MCF2: variants seen among roughly 807,000 people sequenced by gnomAD.
The protein encoded by MCF2 is proto-oncogene DBL.
In MCF2, 44 loss-of-function variants were observed where a neutral mutation model predicts 82.5. The ratio of observed to expected loss-of-function variants is 0.53; its 90% CI spans 0.42 to 0.69. MCF2 has a LOEUF of 0.69. Ranked by LOEUF, MCF2 falls within the 30% of genes least tolerant of loss-of-function variation. The pLI is 0.00. For synonymous variants in MCF2, 217 were observed against 224.9 expected, an observed-to-expected ratio of 0.96 and a Z score of 0.32; for missense variants, 623 against 663.1, an observed-to-expected ratio of 0.94 and a Z score of 0.66.
At chrX:139,652,296 C>T (rs912159305) in intron 1 of MCF2, among the ~76,000 whole-genome samples, 33 of 111,596 alleles carry the variant, frequency 3.0e-4, no homozygotes, top group Admixed American at 1.1e-3. Context: ...TCTAGATAGA[C>T]GTGGATTCAA....
chrX:139,596,756 T>C, exon 19 of MCF2: 1 of 1,201,358 alleles, frequency 8.3e-7, no homozygotes, highest in Non-Finnish European at 1.1e-6. Flanking sequence ...TCTTGCCCAG[T>C]TCATTTAAGT....
At chrX:139,694,405 GA>G (rs35637193) in intron 1 of MCF2, among the ~76,000 whole-genome samples, 125 of 70,530 alleles carry the variant, frequency 1.8e-3, no homozygotes, top group African/African-American at 5.3e-3. Flanking sequence ...AAACAATCTT[GA>G]AAAAAAAAAA....
chrX:139,622,588 G>C (rs1221137020), intron 6 of MCF2, among the ~76,000 whole-genome samples: 1 of 110,797 alleles, frequency 9.0e-6, no homozygotes, highest in South Asian at 3.9e-4. Flanking sequence ...TAGGGACATG[G>C]ATGAAGCTAG....
At chrX:139,641,655 ATCT>A (rs1843978235) in intron 1 of MCF2, among the ~76,000 whole-genome samples, 1 of 111,443 alleles carries the variant, frequency 9.0e-6, no homozygotes, top group African/African-American at 3.3e-5. Flanking sequence ...CATTATATTA[ATCT>A]TTGAAAGAAA....
chrX:139,590,961 CTT>C (rs1929470689), intron 19 of MCF2, among the ~76,000 whole-genome samples: 1 of 111,598 alleles, frequency 9.0e-6, no homozygotes. Flanking sequence ...CCCAAACTAT[CTT>C]TATATTCTCA....
At chrX:139,654,696 T>A (rs1430734195) in intron 1 of MCF2, among the ~76,000 whole-genome samples, 1 of 111,510 alleles carries the variant, frequency 9.0e-6, no homozygotes, top group Non-Finnish European at 1.9e-5. Context: ...GCTTTTGAGG[T>A]TTTGCACAAA....
At chrX:139,692,036 G>T in intron 1 of MCF2, 1 of 1,166,569 alleles carries the variant, frequency 8.6e-7, no homozygotes, top group Non-Finnish European at 1.1e-6. Context: ...CTATCGGCAT[G>T]AAAGTGCAGC....
rs141427259 is a variant in MCF2 at position 139,701,980 on chromosome X, G to A, written c.-45+6126C>T. Reference sequence around the variant, plus strand: ...CTTCTTGGTGTTCCTGGAACACAGAGTGCTTGTTCTTTTCTCAGAGTCTAT... The same window carrying A: ...CTTCTTGGTGTTCCTGGAACACAGAATGCTTGTTCTTTTCTCAGAGTCTAT... On this transcript the variant is annotated intron_variant, in intron 1 of 27. Transcript: ENST00000414978. Among the ~76,000 whole-genome samples, 1,078 of 111,417 alleles carry A rather than the reference G, an allele frequency of 9.7e-3. 7 individuals are homozygous for A. The highest frequency in any genetic ancestry group is 0.015 in the Non-Finnish European group (805 of 53,085).
At chrX:139,630,574 T>G (rs1457632949) in intron 3 of MCF2, among the ~76,000 whole-genome samples, 1 of 112,408 alleles carries the variant, frequency 8.9e-6, no homozygotes, top group African/African-American at 3.2e-5. Context: ...CATTGCTAAT[T>G]TTGGCAATAC....
chrX:139,619,483 A>G, intron 7 of MCF2, 104 bp downstream of exon 10: 1 of 597,200 alleles, frequency 1.7e-6, no homozygotes, highest in Non-Finnish European at 2.3e-6. Flanking sequence ...CTTATGGAAA[A>G]ATAAAAATAA....
intron 8 of MCF2, 57 bp downstream of exon 11, chrX:139,617,456 G>C: frequency 2.0e-6 from 2 of 983,877 alleles, no homozygotes; most frequent in Non-Finnish European, 2.7e-6. Context: ...AGGCTAGCAG[G>C]ACCTGGAAAA....
chrX:139,685,270 T>A (rs753615128), intron 1 of MCF2, among the ~76,000 whole-genome samples: 3 of 110,994 alleles, frequency 2.7e-5, no homozygotes, highest in African/African-American at 9.8e-5. Context: ...CATATTGTCT[T>A]ATGCCCAATT....
intron 1 of MCF2, among the ~76,000 whole-genome samples, chrX:139,689,662 T>TTTTTTTTTTTTTGA (rs1569402957): frequency 9.2e-6 from 1 of 108,708 alleles, no homozygotes; most frequent in African/African-American, 3.4e-5. Flanking sequence ...CTTATTTCCT[T>TTTTTTTTTTTTTGA]GCCTGGAATA....
intron 8 of MCF2, 116 bp downstream of exon 11, chrX:139,617,397 C>T: frequency 2.0e-6 from 1 of 493,466 alleles, no homozygotes; most frequent in Admixed American, 4.0e-5. Context: ...ACCATATAAC[C>T]TCTGAGAAGA....
intron 1 of MCF2, among the ~76,000 whole-genome samples, chrX:139,634,432 T>C (rs183015378): frequency 1.8e-5 from 2 of 111,643 alleles, no homozygotes; most frequent in East Asian, 2.8e-4. Flanking sequence ...GTATAAAACA[T>C]AGACTCTTTG....
At chrX:139,602,582 C>A (rs1422861807) in intron 15 of MCF2, 84 bp from the exon 20 acceptor site, 6 of 634,017 alleles carry the variant, frequency 9.5e-6, no homozygotes, top group Non-Finnish European at 1.5e-5. Flanking sequence ...AGAGTGTAAC[C>A]AAGCATCCTA....
intron 1 of MCF2, chrX:139,692,089 C>T (rs1935283882): frequency 6.9e-6 from 8 of 1,162,732 alleles, no homozygotes; most frequent in African/African-American, 1.8e-5. Flanking sequence ...CCGCAGGACA[C>T]TGAGGTCCAC....
At chrX:139,677,447 C>T (rs183937311) in intron 1 of MCF2, among the ~76,000 whole-genome samples, 134 of 112,463 alleles carry the variant, frequency 1.2e-3, no homozygotes, top group African/African-American at 3.9e-3. Flanking sequence ...GTCTCTTCTT[C>T]TGCCTTATGA....
rs1308473149 is a variant in MCF2, at chrX:139,620,027, G to GTGTGTGTGTA, written c.688-322_688-321insTACACACACA. On this transcript the variant is annotated intron_variant, in intron 6 of 24. Coordinates refer to ENST00000370576, the Ensembl canonical transcript of MCF2. ...TGTGTGTGTGTGTGTGTGTGTGTGT[G>GTGTGTGTGTA]TATATATATATAGCAAATATCTAAA... Among the ~76,000 whole-genome samples, 384 of 100,397 alleles carry GTGTGTGTGTA rather than the reference G, an allele frequency of 3.8e-3. 2 individuals carry two copies. Among genetic ancestry groups the GTGTGTGTGTA allele is most frequent in the African/African-American group, 0.015 (369 of 24,651 alleles). The allele number at this position is 100,397 out of a possible 115,157, so 87.2% of individuals were successfully genotyped here.
Sources: gnomAD v4.1 joint callset for allele counts (sites outside exome capture counted in the v4.1 genomes callset) on GRCh38, gnomAD v4.1.1 for gene constraint, MANE v1.5 for transcripts, NCBI Gene and HGNC (gene_info 2026-07-23, HGNC 2026-07-21) for gene names.